The following TIMMDC1 variants were observed in gnomAD, a reference collection of about 807,000 sequenced individuals.
TIMMDC1 encodes the protein translocase of inner mitochondrial membrane domain containing 1.
In TIMMDC1, 25 loss-of-function variants were observed where a neutral mutation model predicts 32.6. The observed-to-expected ratio is 0.77, with a 90% CI of 0.56 to 1.07. TIMMDC1 has a LOEUF of 1.07. Among genes scored for constraint, TIMMDC1 ranks in the 50% least tolerant of loss-of-function variants. The pLI is 0.00. For synonymous variants in TIMMDC1, 130 were observed against 127.6 expected (o/e 1.02, Z -0.13); for missense variants, 329 against 349.2 (o/e 0.94, Z 0.46).
Position 119,513,659 on chromosome 3 carries a change from T to G in TIMMDC1, c.536T>G (p.Phe179Cys), listed in dbSNP as rs752068330. ...TAAATAGCTGTCACGGGAAGTCTTT[T>G]TAGGATAAACGTAGGCCTGCGTGGC... ...VIAGAVTGSL[F>C]RINVGLRGLV... The change falls in exon 5 of 7, where the codon TTT becomes TGT. Residue 179 changes from phenylalanine (F) to cysteine (C), a missense_variant. Physicochemically the swap from Phe to Cys is radical, Grantham distance 205. Coordinates refer to ENST00000494664, the MANE Select transcript of TIMMDC1 (RefSeq NM_016589.4). The G allele has an allele frequency of 6.2e-6, 10 of 1,613,450 alleles. No homozygotes were observed. The highest frequency in any genetic ancestry group is 8.5e-6 in the Non-Finnish European group (10 of 1,179,610).
rs755956486 is a variant in TIMMDC1 at position 119,500,680 on chromosome 3, T to C, written c.195-15T>C. The C allele has an allele frequency of 6.2e-7, 1 of 1,607,278 alleles. No individual in the cohort carries two copies. The highest frequency in any genetic ancestry group is 8.5e-7 in the Non-Finnish European group (1 of 1,176,800). ...TAAACTAATCCCAAACAACATTGTC[T>C]TTTTGATGTTGTAGTGAACAGCAGA... On this transcript the variant is annotated splice_polypyrimidine_tract_variant and intron_variant, in intron 1 of 6. Transcript: ENST00000494664.
intron 6 of TIMMDC1, among the ~76,000 whole-genome samples, chr3:119,520,186 T>C (rs368215485): frequency 1.3e-5 from 2 of 152,044 alleles, no homozygotes; most frequent in South Asian, 2.1e-4. Flanking sequence ...AACCTAACAC[T>C]GCACCTCAGG....
Position 119,502,493 on chromosome 3 carries a change from A to G in TIMMDC1, c.361-1039A>G, listed in dbSNP as rs549492159. 3.6e-4 allele frequency among the ~76,000 whole-genome samples: 54 copies of G among 151,956 alleles called. 3 individuals carry two copies. The East Asian group carries it at 8.9e-3, about 25-fold the overall frequency. ...AGTTCACCCCCTCCTTGGCCTCCCA[A>G]AGGGTTGGGATTATAGGTGTGAGCC... On this transcript the variant is annotated intron_variant, in intron 2 of 6. Coordinates refer to ENST00000494664, the MANE Select transcript of TIMMDC1 (RefSeq NM_016589.4).
At chr3:119,506,152 A>G (rs1385352476) in intron 4 of TIMMDC1, among the ~76,000 whole-genome samples, 2 of 152,254 alleles carry the variant, frequency 1.3e-5, no homozygotes, top group Non-Finnish European at 2.9e-5. Flanking sequence ...TAAATTTGCA[A>G]GCATTTTTAC....
intron 6 of TIMMDC1, among the ~76,000 whole-genome samples, chr3:119,519,771 G>C (rs574017238): frequency 2.0e-5 from 3 of 152,258 alleles, no homozygotes; most frequent in Non-Finnish European, 2.9e-5. Flanking sequence ...GGATCTAGCA[G>C]ACATTTACAG....
rs543016645 is a variant in TIMMDC1 at position 119,511,322 on chromosome 3, T to TA, written c.518-2311dup. Among the ~76,000 whole-genome samples the TA allele has an allele frequency of 8.2e-3, 1,238 of 150,780 alleles. 8 individuals carry two copies. Among genetic ancestry groups the TA allele is most frequent in the African/African-American group, 0.029 (1,185 of 41,056 alleles). ...GTGAAACCCTGTCTCTACTAAAAAA[T>TA]AAAAAAAATAGTTGTGGTGGCATGC... On this transcript the variant is annotated intron_variant, in intron 4 of 6. Coordinates refer to ENST00000494664, the MANE Select transcript of TIMMDC1 (RefSeq NM_016589.4).
chr3:119,505,674 A>G (rs1418194709), intron 4 of TIMMDC1, among the ~76,000 whole-genome samples: 2 of 152,188 alleles, frequency 1.3e-5, no homozygotes, highest in African/African-American at 2.4e-5. Flanking sequence ...GCCTGAACAT[A>G]ACAGTTTTTA....
intron 4 of TIMMDC1, among the ~76,000 whole-genome samples, chr3:119,512,974 C>T (rs1440248724): frequency 6.6e-6 from 1 of 152,098 alleles, no homozygotes; most frequent in Non-Finnish European, 1.5e-5. Context: ...CTCCTGACCT[C>T]AAGTGATCCG....
intron 1 of TIMMDC1, among the ~76,000 whole-genome samples, chr3:119,499,676 A>G (rs188274825): frequency 2.6e-5 from 4 of 152,136 alleles, no homozygotes; most frequent in East Asian, 3.9e-4. Flanking sequence ...TCCGCCTCCC[A>G]AAGTGCTGGG....
chr3:119,516,914 G>GA (rs1413664394), intron 5 of TIMMDC1, among the ~76,000 whole-genome samples: 1 of 151,902 alleles, frequency 6.6e-6, no homozygotes, highest in East Asian at 1.9e-4. Flanking sequence ...TCTTTGTTTT[G>GA]ATTTATTTCT....
At chr3:119,506,004 C>G (rs2081916658) in intron 4 of TIMMDC1, among the ~76,000 whole-genome samples, 1 of 152,096 alleles carries the variant, frequency 6.6e-6, no homozygotes, top group African/African-American at 2.4e-5. Context: ...TATACAGATT[C>G]TTTCATCACC....
intron 4 of TIMMDC1, among the ~76,000 whole-genome samples, 186 bp downstream of exon 4, chr3:119,504,207 C>A (rs192510500): frequency 9.2e-5 from 14 of 152,322 alleles, no homozygotes; most frequent in African/African-American, 3.4e-4. Context: ...GGCAAAACAG[C>A]AAGGCCCTTG....
intron 2 of TIMMDC1, among the ~76,000 whole-genome samples, 187 bp from the exon 3 acceptor site, chr3:119,503,342 GGAT>G (rs2081892667): frequency 6.6e-6 from 1 of 152,202 alleles, no homozygotes; most frequent in Non-Finnish European, 1.5e-5. Flanking sequence ...TCTCCTGATA[GGAT>G]AGGCTACACA....
intron 5 of TIMMDC1, 134 bp from the exon 6 acceptor site, chr3:119,517,071 T>A (rs1394129644): frequency 5.9e-6 from 3 of 512,236 alleles, no homozygotes; most frequent in East Asian, 6.0e-5. Context: ...CAAGGACACT[T>A]TAATTCTCAA....
intron 4 of TIMMDC1, among the ~76,000 whole-genome samples, chr3:119,508,756 G>A (rs2081934518): frequency 6.6e-6 from 1 of 152,208 alleles, no homozygotes; most frequent in Non-Finnish European, 1.5e-5. Flanking sequence ...TCCCTGGAAA[G>A]CCTTATTATA....
In TIMMDC1 at chr3:119,500,794, T is replaced by C; in HGVS notation, c.294T>C (p.Ile98=). The C allele has an allele frequency of 6.2e-7, 1 of 1,614,162 alleles. No homozygotes were observed. Among genetic ancestry groups the C allele is most frequent in the Non-Finnish European group, 8.5e-7 (1 of 1,180,010 alleles). ...GWVYGGIPAF[I]HAKQQYIEQS... is the part of the protein sequence containing the mutation. ...TGTATGGGGGAATACCAGCTTTTAT[T>C]CATGCTAAACAACAATACATTGAGC... Residue 98 remains isoleucine (I), a synonymous_variant, in exon 2 of 7, where the codon ATT becomes ATC. Transcript: ENST00000494664.
At chr3:119,517,567 G>A (rs1342012608) in intron 6 of TIMMDC1, among the ~76,000 whole-genome samples, 1 of 152,186 alleles carries the variant, frequency 6.6e-6, no homozygotes, top group Non-Finnish European at 1.5e-5. Context: ...TAAAAGTGGT[G>A]TAAATCTTGC....
In TIMMDC1 at chr3:119,519,822, T is replaced by C. The variant is rs550629064; in HGVS notation, c.707+2507T>C. ...AGCTGCAAAATACACGTTTTTCTTA[T>C]CTTGAAGTGTTCTTCAGGATAAACC... On this transcript the variant is annotated intron_variant, in intron 6 of 6. Transcript: ENST00000494664. Among the ~76,000 whole-genome samples, 330 of 152,256 alleles carry C rather than the reference T, an allele frequency of 2.2e-3. 2 individuals are homozygous for C. Among genetic ancestry groups the C allele is most frequent in the Non-Finnish European group, 2.0e-3 (133 of 67,988 alleles).
chr3:119,519,590 G>A (rs144542030), intron 6 of TIMMDC1, among the ~76,000 whole-genome samples: 2,631 of 152,148 alleles, frequency 0.017, 38 homozygotes, highest in Non-Finnish European at 0.028. Context: ...CAACACCAGA[G>A]CATCCATATA....
Sources: allele counts gnomAD v4.1 joint callset (sites outside exome capture counted in the v4.1 genomes callset), GRCh38; gene constraint gnomAD v4.1.1; transcripts MANE v1.5; gene names NCBI Gene and HGNC (gene_info 2026-07-23, HGNC 2026-07-21).